Variants in PAPSS2 observed in about 807,000 individuals in gnomAD.
PAPSS2 encodes bifunctional 3'-phosphoadenosine 5'-phosphosulfate synthase 2.
PAPSS2 carries 61 observed loss-of-function variants against 66.5 expected under a neutral mutation model. The ratio of observed to expected loss-of-function variants is 0.92; its 90% CI spans 0.75 to 1.14. The LOEUF is 1.14. Among genes scored for constraint, PAPSS2 ranks in the 50% most tolerant of loss-of-function variants. The pLI is 0.00. For synonymous variants in PAPSS2, 289 were observed against 287.5 expected, an observed-to-expected ratio of 1.01 and a Z score of -0.05; for missense variants, 708 against 789.6, an observed-to-expected ratio of 0.90 and a Z score of 1.24.
chr10:87,668,658 A>ATGTG (rs58768390), intron 1 of PAPSS2, among the ~76,000 whole-genome samples: 14,153 of 149,156 alleles, frequency 0.095, 688 homozygotes, highest in Admixed American at 0.14. Context: ...TACTTTAAAA[A>ATGTG]TGTGTGTGTG....
intron 1 of PAPSS2, among the ~76,000 whole-genome samples, chr10:87,688,077 C>G (rs1174646881): frequency 1.3e-5 from 2 of 152,072 alleles, no homozygotes; most frequent in Non-Finnish European, 2.9e-5. Flanking sequence ...TGTGTACTAA[C>G]TAGTCAGGTG....
At chr10:87,704,634 T>C (rs79811058) in intron 1 of PAPSS2, among the ~76,000 whole-genome samples, 7,284 of 152,162 alleles carry the variant, frequency 0.048, 224 homozygotes, top group South Asian at 0.12. Flanking sequence ...ATCTGCTTAC[T>C]TTTTTTTGTT....
In PAPSS2 at chr10:87,746,449, C is replaced by G. The variant is rs1160531540; in HGVS notation, c.*479C>G. The G allele has an allele frequency of 6.5e-6, 1 of 153,600 alleles. No homozygotes were observed. Among genetic ancestry groups the G allele is most frequent in the Non-Finnish European group, 1.4e-5 (1 of 69,354 alleles). 9.5% of individuals were successfully genotyped at this position (153,600 alleles called of 1,614,324 possible). A position where few individuals can be genotyped will look rare whatever the true frequency, so the allele number is the denominator to read the frequency against. On this transcript the variant is annotated 3_prime_UTR_variant, in exon 13 of 13. Transcript: ENST00000456849. ...TTCTCACTCTAAAAGAGGTGTGGCT[C>G]ACATCAAGATTCTTCCTGATATTTT...
At chr10:87,683,726 G>A (rs1479857811) in intron 1 of PAPSS2, among the ~76,000 whole-genome samples, 1 of 147,412 alleles carries the variant, frequency 6.8e-6, no homozygotes, top group East Asian at 2.0e-4. Context: ...GTTTCACTCT[G>A]TCACCCAGGC....
At chr10:87,692,488 C>T (rs189671184) in intron 1 of PAPSS2, among the ~76,000 whole-genome samples, 12 of 151,900 alleles carry the variant, frequency 7.9e-5, no homozygotes, top group South Asian at 2.1e-4. Flanking sequence ...TATGGAAGAG[C>T]GATGAGAAGA....
At chr10:87,663,236 C>T (rs1174238652) in intron 1 of PAPSS2, among the ~76,000 whole-genome samples, 1 of 151,658 alleles carries the variant, frequency 6.6e-6, no homozygotes, top group Non-Finnish European at 1.5e-5. Context: ...CTCAGCCTCC[C>T]GAGTAGCTGG....
intron 1 of PAPSS2, among the ~76,000 whole-genome samples, chr10:87,706,114 G>A (rs1448323198): frequency 0.056 from 4,525 of 81,252 alleles, 156 homozygotes; most frequent in African/African-American, 0.062. Context: ...ATATATGTGT[G>A]TGTGTGTGTG....
intron 1 of PAPSS2, among the ~76,000 whole-genome samples, chr10:87,675,050 ATCT>A (rs1852928146): frequency 6.6e-6 from 1 of 152,220 alleles, no homozygotes; most frequent in Non-Finnish European, 1.5e-5. Context: ...GCAGTTTAAG[ATCT>A]TATGCCCTGT....
chr10:87,689,117 G>A (rs1035704096), intron 1 of PAPSS2, among the ~76,000 whole-genome samples: 1 of 152,090 alleles, frequency 6.6e-6, no homozygotes, highest in Non-Finnish European at 1.5e-5. Context: ...AAGGCGGGTG[G>A]ATTACCTGAG....
intron 1 of PAPSS2, among the ~76,000 whole-genome samples, chr10:87,701,390 TTC>T (rs1853312529): frequency 1.1e-5 from 1 of 91,210 alleles, no homozygotes; most frequent in Non-Finnish European, 2.1e-5. Context: ...CTTTCTTTCT[TTC>T]TTTCTCTTTC....
intron 1 of PAPSS2, among the ~76,000 whole-genome samples, chr10:87,685,458 G>A (rs1361465296): frequency 1.3e-5 from 2 of 152,212 alleles, no homozygotes; most frequent in African/African-American, 4.8e-5. Flanking sequence ...CGGAGGACAA[G>A]GCGGCTTGAG....
intron 7 of PAPSS2, among the ~76,000 whole-genome samples, chr10:87,716,483 A>G (rs1287717429): frequency 6.6e-6 from 1 of 152,192 alleles, no homozygotes; most frequent in Non-Finnish European, 1.5e-5. Context: ...TTTCCTTCCT[A>G]GAACTGCCTG....
chr10:87,719,482 G>A (rs1256664774), intron 7 of PAPSS2, among the ~76,000 whole-genome samples: 2 of 152,134 alleles, frequency 1.3e-5, no homozygotes, highest in Non-Finnish European at 2.9e-5. Flanking sequence ...AATTTGTCAG[G>A]CATGGTGGCT....
chr10:87,681,156 C>CAA (rs1185491011), intron 1 of PAPSS2, among the ~76,000 whole-genome samples: 3 of 152,282 alleles, frequency 2.0e-5, no homozygotes, highest in African/African-American at 7.2e-5. Flanking sequence ...TTCTCAGGTT[C>CAA]AAGACATCAA....
intron 1 of PAPSS2, among the ~76,000 whole-genome samples, chr10:87,672,891 G>A (rs1235052285): frequency 1.3e-5 from 2 of 152,242 alleles, no homozygotes; most frequent in Non-Finnish European, 2.9e-5. Flanking sequence ...GTTATGACAA[G>A]TATATGAAAT....
chr10:87,684,638 C>T (rs562438985), intron 1 of PAPSS2, among the ~76,000 whole-genome samples: 33 of 152,304 alleles, frequency 2.2e-4, no homozygotes, highest in Admixed American at 3.9e-4. Context: ...TTCTCATTGC[C>T]GTGTGGTATT....
chr10:87,678,475 CA>C (rs1341772003), intron 1 of PAPSS2, among the ~76,000 whole-genome samples: 1 of 151,936 alleles, frequency 6.6e-6, no homozygotes, highest in Non-Finnish European at 1.5e-5. Context: ...AGCTTCTGCA[CA>C]ACAAAGGAAA....
intron 9 of PAPSS2, 136 bp downstream of exon 9, chr10:87,727,625 G>A (rs1038897478): frequency 1.0e-5 from 8 of 796,360 alleles, no homozygotes; most frequent in Admixed American, 8.2e-5. Flanking sequence ...GGTAGTGTTT[G>A]CAGGCTTTGC....
Position 87,701,300 on chromosome 10 carries a change from T to TTTCCTTCCTTCC in PAPSS2, c.28-7877_28-7866dup, listed in dbSNP as rs1174780842. ...CTCTTTTTTCTTTCTTTCTTTCTTT[T>TTTCCTTCCTTCC]TTCCTTCCTTCCTTCCTTCCTTCCT... On this transcript the variant is annotated intron_variant, in intron 1 of 12. Coordinates refer to ENST00000456849, the MANE Select transcript of PAPSS2 (RefSeq NM_001015880.2). Among the ~76,000 whole-genome samples the TTTCCTTCCTTCC allele has an allele frequency of 4.4e-4, 45 of 102,994 alleles. 7 individuals carry two copies. The South Asian group carries it at 0.01, about 23-fold the overall frequency. 67.6% of individuals were successfully genotyped at this position (102,994 alleles called of 152,430 possible). A position where few individuals can be genotyped will look rare whatever the true frequency, so the allele number is the denominator to read the frequency against.
Sources: gnomAD v4.1 joint callset for allele counts (sites outside exome capture counted in the v4.1 genomes callset) on GRCh38, gnomAD v4.1.1 for gene constraint, MANE v1.5 for transcripts, NCBI Gene and HGNC (gene_info 2026-07-23, HGNC 2026-07-21) for gene names.